Variants in EML4 observed in about 807,000 individuals in gnomAD.
EML4 encodes the protein EMAP like 4.
In EML4, 72 loss-of-function variants were observed where a neutral mutation model predicts 129.0. The ratio of observed to expected loss-of-function variants is 0.56; its 90% confidence interval spans 0.46 to 0.68. The LOEUF (loss-of-function observed/expected upper bound fraction) is 0.68. Among genes scored for constraint, EML4 ranks in the 30% least tolerant of loss-of-function variants. The pLI, the probability that EML4 is intolerant of heterozygous loss-of-function variation, is 0.00. For synonymous variants in EML4, 532 were observed against 405.0 expected, an observed-to-expected ratio of 1.31 and a Z score of -3.77; for missense variants, 1,363 against 1,190.6, an observed-to-expected ratio of 1.14 and a Z score of -2.13.
intron 1 of EML4, among the ~76,000 whole-genome samples, chr2:42,202,318 A>G (rs1672281376): frequency 6.6e-6 from 1 of 151,902 alleles, no homozygotes. Context: ...AGGTAGAAGG[A>G]TTGCTTGTGG....
chr2:42,287,167 T>C (rs1035985214), intron 10 of EML4, among the ~76,000 whole-genome samples: 23 of 152,226 alleles, frequency 1.5e-4, no homozygotes, highest in African/African-American at 5.1e-4. Flanking sequence ...ATGGGAGTTT[T>C]GTGGGACATG....
At chr2:42,257,318 A>G (rs1331058326) in intron 3 of EML4, among the ~76,000 whole-genome samples, 1 of 152,210 alleles carries the variant, frequency 6.6e-6, no homozygotes, top group Admixed American at 6.5e-5. Flanking sequence ...GAGAGACCAT[A>G]GGTGATCAGC....
intron 19 of EML4, among the ~76,000 whole-genome samples, chr2:42,321,705 A>G (rs1390632838): frequency 1.3e-5 from 2 of 152,192 alleles, no homozygotes; most frequent in African/African-American, 2.4e-5. Flanking sequence ...TGGTCACTCA[A>G]CAGAAGGGGG....
At chr2:42,323,292 C>T (rs1669615900) in intron 19 of EML4, among the ~76,000 whole-genome samples, 1 of 152,182 alleles carries the variant, frequency 6.6e-6, no homozygotes, top group Admixed American at 6.5e-5. Context: ...GATGTATGAA[C>T]CCTGCCATAC....
At chr2:42,227,657 C>T (rs1674057622) in intron 1 of EML4, among the ~76,000 whole-genome samples, 1 of 152,180 alleles carries the variant, frequency 6.6e-6, no homozygotes, top group African/African-American at 2.4e-5. Flanking sequence ...TCTGCTGCCT[C>T]TGCCACCCCT....
intron 1 of EML4, among the ~76,000 whole-genome samples, chr2:42,213,029 G>A (rs1672972426): frequency 6.6e-6 from 1 of 152,098 alleles, no homozygotes; most frequent in South Asian, 2.1e-4. Flanking sequence ...AAACAAATGA[G>A]CATATTAGTG....
chr2:42,264,833 G>A (rs2104399038), intron 6 of EML4, 102 bp downstream of exon 6: 4 of 1,425,850 alleles, frequency 2.8e-6, no homozygotes, highest in African/African-American at 2.9e-5. Context: ...TCAGTTCATA[G>A]TAATCAAAGA....
intron 6 of EML4, among the ~76,000 whole-genome samples, chr2:42,266,390 C>T (rs182502276): frequency 3.7e-4 from 57 of 152,204 alleles, no homozygotes; most frequent in African/African-American, 9.4e-4. Context: ...TCTGTTGCCC[C>T]GGCTGGAGTG....
intron 1 of EML4, among the ~76,000 whole-genome samples, chr2:42,234,727 A>G (rs970616541): frequency 6.6e-6 from 1 of 152,268 alleles, no homozygotes; most frequent in Non-Finnish European, 1.5e-5. Context: ...CTGTGAAAAA[A>G]GATGGTCATG....
chr2:42,306,746 G>T (rs544890775), intron 17 of EML4, among the ~76,000 whole-genome samples: 1 of 150,704 alleles, frequency 6.6e-6, no homozygotes, highest in African/African-American at 2.4e-5. Flanking sequence ...TGATCCTCCC[G>T]CCTCGGCCTC....
At chr2:42,315,880 CAAAA>C (rs200655876) in intron 17 of EML4, 78 bp from the exon 18 acceptor site, 11 of 889,710 alleles carry the variant, frequency 1.2e-5, no homozygotes, top group Non-Finnish European at 1.9e-5. Flanking sequence ...GACTCCATCT[CAAAA>C]AAAAAAGAAA....
At chr2:42,251,363 A>G (rs1675755923) in intron 2 of EML4, among the ~76,000 whole-genome samples, 1 of 152,238 alleles carries the variant, frequency 6.6e-6, no homozygotes, top group African/African-American at 2.4e-5. Context: ...ATGACTGTAT[A>G]TTGGCAGGTG....
rs114663100 is a variant in EML4, at chr2:42,182,562, A to T, written c.25+12926A>T. Among the ~76,000 whole-genome samples, 440 of 152,260 alleles carry T rather than the reference A, an allele frequency of 2.9e-3. 2 individuals are homozygous for T. The highest frequency in any genetic ancestry group is 0.01 in the African/African-American group (432 of 41,550). ...GCTGCCTTGATAGCTTTAGGACTGA[A>T]CTATGGGGGAAGGGGAGACACCTAA... On this transcript the variant is annotated intron_variant, in intron 1 of 22. Coordinates refer to ENST00000318522, the MANE Select transcript of EML4 (RefSeq NM_019063.5).
intron 2 of EML4, among the ~76,000 whole-genome samples, chr2:42,253,372 T>G (rs906751121): frequency 6.6e-6 from 1 of 152,228 alleles, no homozygotes. Flanking sequence ...TTTTAACATC[T>G]CTGAAATTAC....
At chr2:42,259,513 A>G (rs1665573767) in intron 3 of EML4, among the ~76,000 whole-genome samples, 1 of 152,016 alleles carries the variant, frequency 6.6e-6, no homozygotes, top group South Asian at 2.1e-4. Context: ...TTCATTCATC[A>G]CTTTTTAAAT....
chr2:42,268,369 T>C (rs1666182784), intron 6 of EML4, among the ~76,000 whole-genome samples: 1 of 152,166 alleles, frequency 6.6e-6, no homozygotes. Flanking sequence ...CAGATTTTGC[T>C]CTCTGCAGGA....
In EML4 at chr2:42,295,533, T is replaced by C; in HGVS notation, c.1489+17T>C. On this transcript the variant is annotated intron_variant, in intron 13 of 22. Transcript: ENST00000318522. ...GACCTAAAGGTACAGTATTCTTATA[T>C]TAAACTCATTTCTGGTAATTCTCAC... 6.2e-7 allele frequency: 1 copy of C among 1,603,904 alleles called. No homozygotes were observed. Among genetic ancestry groups the C allele is most frequent in the Non-Finnish European group, 8.5e-7 (1 of 1,176,566 alleles).
At chr2:42,240,004 T>C (rs1674916612) in intron 1 of EML4, among the ~76,000 whole-genome samples, 1 of 152,198 alleles carries the variant, frequency 6.6e-6, no homozygotes, top group South Asian at 2.1e-4. Flanking sequence ...CTCTGACTCG[T>C]TTGCTGTGTG....
chr2:42,308,303 T>G lies in EML4; in HGVS notation c.1967+3752T>G, dbSNP rs191339477. 2.0e-3 allele frequency among the ~76,000 whole-genome samples: 307 copies of G among 152,174 alleles called. 2 individuals are homozygous for G. Among genetic ancestry groups the G allele is most frequent in the Non-Finnish European group, 3.5e-3 (236 of 67,992 alleles). On this transcript the variant is annotated intron_variant, in intron 17 of 22. Coordinates refer to ENST00000318522, the MANE Select transcript of EML4 (RefSeq NM_019063.5). Reference sequence around the variant, plus strand: ...GGTGGATTGCTTGAGCCCAGGAGTTTGAAACCAGCCTGGGCAACATGGCAA... The same window carrying G: ...GGTGGATTGCTTGAGCCCAGGAGTTGGAAACCAGCCTGGGCAACATGGCAA...
Sources: gnomAD v4.1 joint callset for allele counts (sites outside exome capture counted in the v4.1 genomes callset) on GRCh38, gnomAD v4.1.1 for gene constraint, MANE v1.5 for transcripts, NCBI Gene and HGNC (gene_info 2026-07-23, HGNC 2026-07-21) for gene names.